Variants in GPC5 observed in about 807,000 individuals in gnomAD.
GPC5 encodes the protein glypican-5.
A neutral mutation model predicts 53.9 loss-of-function variants in GPC5; 47 were observed. The ratio of observed to expected loss-of-function variants is 0.87; its 90% CI spans 0.69 to 1.11. The LOEUF is 1.11. Among genes scored for constraint, GPC5 ranks in the 50% most tolerant of loss-of-function variants. The pLI is 0.00. For missense variants in GPC5, 748 were observed against 713.1 expected, an observed-to-expected ratio of 1.05 and a Z score of -0.56; for synonymous variants, 286 against 263.3, an observed-to-expected ratio of 1.09 and a Z score of -0.84.
At chr13:92,125,503 A>C (rs1249964315) in intron 6 of GPC5, among the ~76,000 whole-genome samples, 1 of 152,122 alleles carries the variant, frequency 6.6e-6, no homozygotes, top group Non-Finnish European at 1.5e-5. Context: ...GATAAATGTG[A>C]GATTCTATAA....
intron 5 of GPC5, among the ~76,000 whole-genome samples, chr13:91,906,384 A>G (rs1246639782): frequency 2.6e-5 from 4 of 151,970 alleles, no homozygotes; most frequent in Non-Finnish European, 2.9e-5. Flanking sequence ...CAGAATGTCT[A>G]CTACTTGTCT....
At chr13:91,600,647 C>T (rs566752898) in intron 2 of GPC5, among the ~76,000 whole-genome samples, 72 of 151,316 alleles carry the variant, frequency 4.8e-4, no homozygotes, top group African/African-American at 1.5e-3. Context: ...CTCGCTCTGT[C>T]GCCCAGGCTG....
chr13:91,586,532 A>G (rs1243664411), intron 2 of GPC5, among the ~76,000 whole-genome samples: 3 of 41,138 alleles, frequency 7.3e-5, no homozygotes, highest in African/African-American at 2.6e-4. Flanking sequence ...ATATATATAT[A>G]TATATATATA....
chr13:92,045,206 C>T lies in GPC5; in HGVS notation c.1402-99624C>T, dbSNP rs144969482. 2.4e-3 allele frequency among the ~76,000 whole-genome samples: 359 copies of T among 152,168 alleles called. 2 individuals are homozygous for T. The highest frequency in any genetic ancestry group is 8.2e-3 in the African/African-American group (340 of 41,514). On this transcript the variant is annotated intron_variant, in intron 6 of 7. Transcript: ENST00000377067. The stretch of plus-strand genomic sequence containing the variant: ...AATTTAGCCCGTTCTGTTTGGTTTA[C>T]GGTACGGAAAAGGCAAGATTCAAGA...
At chr13:92,172,039 AGATT>A (rs890808556) in intron 7 of GPC5, among the ~76,000 whole-genome samples, 1 of 152,228 alleles carries the variant, frequency 6.6e-6, no homozygotes, top group Non-Finnish European at 1.5e-5. Flanking sequence ...TACCTACAAT[AGATT>A]GTTAGTTCTG....
chr13:92,615,713 A>C (rs1309583516), intron 7 of GPC5, among the ~76,000 whole-genome samples: 1 of 152,160 alleles, frequency 6.6e-6, no homozygotes, highest in Non-Finnish European at 1.5e-5. Flanking sequence ...AAGGGGTATA[A>C]AGGCTATGAG....
At chr13:92,303,416 AG>A (rs2043088807) in intron 7 of GPC5, among the ~76,000 whole-genome samples, 3 of 152,166 alleles carry the variant, frequency 2.0e-5, no homozygotes, top group African/African-American at 4.8e-5. Context: ...CTAAGAATGC[AG>A]GGTGGGAATG....
At chr13:91,957,131 T>C (rs1033394295) in intron 6 of GPC5, among the ~76,000 whole-genome samples, 2 of 152,024 alleles carry the variant, frequency 1.3e-5, no homozygotes, top group African/African-American at 2.4e-5. Flanking sequence ...GTACATATCA[T>C]AGTAAAAAAA....
At chr13:92,476,553 C>G (rs1354229263) in intron 7 of GPC5, among the ~76,000 whole-genome samples, 6 of 151,242 alleles carry the variant, frequency 4.0e-5, no homozygotes, top group African/African-American at 7.4e-5. Context: ...GGTATATACC[C>G]AAAGGATTAT....
At chr13:91,558,909 T>A (rs911074739) in intron 2 of GPC5, among the ~76,000 whole-genome samples, 2 of 152,130 alleles carry the variant, frequency 1.3e-5, no homozygotes, top group Non-Finnish European at 2.9e-5. Context: ...TCCTCCTGTG[T>A]CCACTATTGG....
intron 6 of GPC5, among the ~76,000 whole-genome samples, chr13:92,081,056 C>A (rs1487973460): frequency 6.6e-6 from 1 of 152,134 alleles, no homozygotes; most frequent in Admixed American, 6.5e-5. Flanking sequence ...CTATATGCCT[C>A]TCTATTTTAT....
intron 4 of GPC5, among the ~76,000 whole-genome samples, chr13:91,753,465 A>C (rs1386485487): frequency 6.6e-6 from 1 of 152,070 alleles, no homozygotes; most frequent in Non-Finnish European, 1.5e-5. Context: ...CAAATCTTTC[A>C]CTTGTTTTTC....
At chr13:92,333,462 A>G (rs1318719335) in intron 7 of GPC5, among the ~76,000 whole-genome samples, 1 of 152,082 alleles carries the variant, frequency 6.6e-6, no homozygotes, top group Non-Finnish European at 1.5e-5. Flanking sequence ...AGCCCACTCT[A>G]ACCATCCACA....
chr13:91,817,657 G>A (rs2038421397), intron 5 of GPC5, among the ~76,000 whole-genome samples: 1 of 152,086 alleles, frequency 6.6e-6, no homozygotes, highest in Non-Finnish European at 1.5e-5. Context: ...TTCTTAAAGT[G>A]TCTTAGAGGA....
chr13:91,670,781 G>A lies in GPC5; in HGVS notation c.326-22406G>A, dbSNP rs188006805. On this transcript the variant is annotated intron_variant, in intron 2 of 7. Coordinates refer to ENST00000377067, the MANE Select transcript of GPC5 (RefSeq NM_004466.6). ...CTGGGGCTGTCCTTAGTCTGAGAGC[G>A]GCTTCAGCATTACTGTCTCTCTTAG... 3.1e-3 allele frequency among the ~76,000 whole-genome samples: 478 copies of A among 152,206 alleles called. 2 individuals are homozygous for A. The highest frequency in any genetic ancestry group is 4.1e-3 in the Non-Finnish European group (276 of 68,022).
intron 7 of GPC5, among the ~76,000 whole-genome samples, chr13:92,465,743 G>T (rs1409188037): frequency 1.3e-5 from 2 of 151,930 alleles, no homozygotes; most frequent in Non-Finnish European, 2.9e-5. Context: ...AATAAAATCA[G>T]AGTTCCATAC....
intron 7 of GPC5, among the ~76,000 whole-genome samples, chr13:92,795,944 G>A (rs1876662437): frequency 6.6e-6 from 1 of 152,142 alleles, no homozygotes; most frequent in Non-Finnish European, 1.5e-5. Context: ...CATTGTGGAA[G>A]ACAGTGTGGC....
intron 1 of GPC5, among the ~76,000 whole-genome samples, chr13:91,423,579 G>T (rs1878795438): frequency 1.3e-5 from 2 of 152,086 alleles, no homozygotes; most frequent in Non-Finnish European, 2.9e-5. Flanking sequence ...TAGAGGGGGG[G>T]TGTGGGGTGT....
In GPC5 at chr13:92,641,796, A is replaced by G. The variant is rs559823770; in HGVS notation, c.1562-224486A>G. Among the ~76,000 whole-genome samples the G allele has an allele frequency of 1.4e-4, 22 of 152,302 alleles. 2 individuals carry two copies. In the Middle Eastern group the frequency reaches 0.031, roughly 212 times the overall value. On this transcript the variant is annotated intron_variant, in intron 7 of 7. Transcript: ENST00000377067. ...TATCCTTTTCTATAAATAAAGTAAA[A>G]TGCATTTATTTAATAAGAGATGTTG...
Sources: allele counts gnomAD v4.1 joint callset (sites outside exome capture counted in the v4.1 genomes callset), GRCh38; gene constraint gnomAD v4.1.1; transcripts MANE v1.5; gene names NCBI Gene and HGNC (gene_info 2026-07-23, HGNC 2026-07-21).